BMPER: variants seen among roughly 807,000 people sequenced by gnomAD.
The protein encoded by BMPER is BMP-binding endothelial regulator protein.
A neutral mutation model predicts 87.3 loss-of-function variants in BMPER; 45 were observed. That is an observed-to-expected ratio of 0.52 (90% confidence interval 0.41 to 0.66). BMPER has a LOEUF of 0.66. Ranked by LOEUF, BMPER falls within the 30% of genes least tolerant of loss-of-function variation. BMPER has a pLI of 0.00. For synonymous variants in BMPER, 326 were observed against 316.2 expected, an observed-to-expected ratio of 1.03 and a Z score of -0.33; for missense variants, 784 against 867.5, an observed-to-expected ratio of 0.90 and a Z score of 1.21.
rs187226785 is a variant in BMPER at position 34,036,884 on chromosome 7, A to G, written c.577-9422A>G. ...AATTTCTTTCTTTTTCAAAGAAAAA[A>G]CGTAAAAGAAAACAAACACATGAAC... is the stretch of plus-strand genomic sequence containing the variant. On this transcript the variant is annotated intron_variant, in intron 6 of 14. Transcript: ENST00000649409. 1.4e-3 allele frequency among the ~76,000 whole-genome samples: 212 copies of G among 152,284 alleles called. 1 individual carries two copies. The highest frequency in any genetic ancestry group is 4.1e-3 in the African/African-American group (172 of 41,568).
intron 12 of BMPER, among the ~76,000 whole-genome samples, chr7:34,079,649 C>T (rs754033508): frequency 6.6e-6 from 1 of 152,126 alleles, no homozygotes; most frequent in African/African-American, 2.4e-5. Context: ...GTCTTTGCAG[C>T]GGAGTCCTCA....
chr7:34,099,460 AT>A (rs1329835884), intron 13 of BMPER, among the ~76,000 whole-genome samples: 1 of 152,168 alleles, frequency 6.6e-6, no homozygotes, highest in Non-Finnish European at 1.5e-5. Flanking sequence ...TTTCAACAAA[AT>A]TTTCTGTTTA....
intron 13 of BMPER, among the ~76,000 whole-genome samples, 184 bp downstream of exon 13, chr7:34,086,276 A>G (rs115983210): frequency 9.7e-4 from 148 of 152,312 alleles, no homozygotes; most frequent in African/African-American, 3.2e-3. Context: ...CCAAATTGGG[A>G]AATTCAAAGA....
chr7:34,046,160 G>T (rs905929557), intron 6 of BMPER, 146 bp from the exon 7 acceptor site: 1 of 771,514 alleles, frequency 1.3e-6, no homozygotes, highest in East Asian at 2.6e-5. Flanking sequence ...ATCAAAGGAC[G>T]CTTGGGGAAA....
intron 8 of BMPER, among the ~76,000 whole-genome samples, chr7:34,054,049 C>G (rs1399235365): frequency 6.6e-6 from 1 of 152,198 alleles, no homozygotes; most frequent in East Asian, 1.9e-4. Flanking sequence ...CCTGACTTAC[C>G]TGGATAGGTA....
intron 6 of BMPER, among the ~76,000 whole-genome samples, chr7:34,045,386 C>T (rs1787935253): frequency 6.6e-6 from 1 of 152,142 alleles, no homozygotes. Context: ...GGGAAGCAGG[C>T]ACCTCTGGTG....
intron 6 of BMPER, among the ~76,000 whole-genome samples, chr7:34,022,386 G>A (rs1445593613): frequency 1.3e-5 from 2 of 151,974 alleles, no homozygotes; most frequent in African/African-American, 2.4e-5. Context: ...ACCTCTTTCC[G>A]CATTTCTACA....
chr7:33,950,026 T>A (rs1784983064), intron 3 of BMPER, among the ~76,000 whole-genome samples: 1 of 152,234 alleles, frequency 6.6e-6, no homozygotes, highest in Non-Finnish European at 1.5e-5. Flanking sequence ...TCAGCTTTCC[T>A]TGTCAAATTT....
In BMPER at chr7:33,905,592, C is replaced by G; in HGVS notation, c.-22C>G. ...GCGGCGGCGCGGGACCTGCAGTCGC[C>G]AGGGATTCCCTCCAGGTGACGATGC... On this transcript the variant is annotated 5_prime_UTR_variant, in exon 1 of 15. Coordinates refer to ENST00000649409, the MANE Select transcript of BMPER (RefSeq NM_001365308.1). The G allele has an allele frequency of 6.2e-7, 1 of 1,610,478 alleles. No individual in the cohort carries two copies.
At chr7:33,990,934 A>C (rs866191326) in intron 6 of BMPER, among the ~76,000 whole-genome samples, 2 of 122,534 alleles carry the variant, frequency 1.6e-5, no homozygotes, top group African/African-American at 6.3e-5. Context: ...ATTTGCATAT[A>C]TTGAACCAGC....
chr7:34,076,259 T>G (rs1788862037), intron 11 of BMPER, among the ~76,000 whole-genome samples: 1 of 152,144 alleles, frequency 6.6e-6, no homozygotes, highest in Non-Finnish European at 1.5e-5. Context: ...TGCTTTGTCA[T>G]GTAATTGGCC....
chr7:34,101,019 CT>C (rs1321842865), intron 13 of BMPER, among the ~76,000 whole-genome samples: 4 of 152,180 alleles, frequency 2.6e-5, no homozygotes, highest in African/African-American at 9.7e-5. Flanking sequence ...CCCAGGCCCC[CT>C]GATCAGAATC....
intron 6 of BMPER, among the ~76,000 whole-genome samples, chr7:33,984,945 A>T (rs998721056): frequency 3.3e-5 from 5 of 152,146 alleles, no homozygotes; most frequent in Non-Finnish European, 1.5e-5. Context: ...TTCCATCTTT[A>T]TATCTCTGTC....
chr7:33,977,010 C>A (rs1399686580), intron 6 of BMPER, among the ~76,000 whole-genome samples: 1 of 152,150 alleles, frequency 6.6e-6, no homozygotes, highest in Non-Finnish European at 1.5e-5. Context: ...TTCTGCAGTG[C>A]CATCCTCAGC....
chr7:34,024,382 AC>A (rs1562695148), intron 6 of BMPER, among the ~76,000 whole-genome samples: 778 of 52,468 alleles, frequency 0.015, 63 homozygotes, highest in African/African-American at 0.029. Context: ...AAAAAAAAAA[AC>A]AATATATATA....
intron 6 of BMPER, among the ~76,000 whole-genome samples, chr7:34,003,521 G>T (rs1014304204): frequency 5.9e-5 from 9 of 151,938 alleles, no homozygotes; most frequent in Non-Finnish European, 8.8e-5. Flanking sequence ...ATTTACCTAT[G>T]TAGTCACCTC....
intron 6 of BMPER, among the ~76,000 whole-genome samples, chr7:34,045,590 C>T (rs1054616115): frequency 6.6e-6 from 1 of 152,156 alleles, no homozygotes; most frequent in African/African-American, 2.4e-5. Context: ...GAGACTCTGC[C>T]AGTTCGTCTC....
chr7:33,939,951 G>A (rs74460127), intron 3 of BMPER: 602 of 312,392 alleles, frequency 1.9e-3, no homozygotes, highest in African/African-American at 0.012. Flanking sequence ...TCGTAATACA[G>A]TGCTTGTCTC....
chr7:33,937,397 TGTCTTGGCC>T lies in BMPER; in HGVS notation c.319+15_319+23del. ...TTGTGAACAGTGCAAAGGTGATTGA[TGTCTTGGCC>T]GTCTTCTCTTCTGGCTGCTGCTTCA... On this transcript the variant is annotated intron_variant, in intron 3 of 14. Transcript: ENST00000649409. 1 of 1,612,578 alleles carries T rather than the reference TGTCTTGGCC, an allele frequency of 6.2e-7. No individual in the cohort carries two copies. Among genetic ancestry groups the T allele is most frequent in the Non-Finnish European group, 8.5e-7 (1 of 1,178,530 alleles).
Sources: gnomAD v4.1 joint callset for allele counts (sites outside exome capture counted in the v4.1 genomes callset) on GRCh38, gnomAD v4.1.1 for gene constraint, MANE v1.5 for transcripts, NCBI Gene and HGNC (gene_info 2026-07-23, HGNC 2026-07-21) for gene names.